SMG6: variants seen among roughly 807,000 people sequenced by gnomAD.
SMG6 encodes the protein telomerase-binding protein EST1A.
SMG6 carries 66 observed loss-of-function variants against 142.2 expected under a neutral mutation model. That is an observed-to-expected ratio of 0.46 (90% CI 0.38 to 0.57). The LOEUF is 0.57. SMG6 is among the 20% of genes least tolerant of loss of function. SMG6 has a pLI of 0.00. For missense variants in SMG6, 1,793 were observed against 1,832.0 expected (o/e 0.98, Z 0.39); for synonymous variants, 779 against 702.4 (o/e 1.11, Z -1.72).
chr17:2,073,794 A>G (rs2068180799), intron 15 of SMG6, among the ~76,000 whole-genome samples: 1 of 150,750 alleles, frequency 6.6e-6, no homozygotes, highest in South Asian at 2.1e-4. Context: ...AAATATAAAA[A>G]TTAGCCAGGC....
chr17:2,227,795 A>G (rs2073360593), intron 10 of SMG6, among the ~76,000 whole-genome samples: 1 of 152,266 alleles, frequency 6.6e-6, no homozygotes, highest in Non-Finnish European at 1.5e-5. Context: ...CAAGGTACCA[A>G]TAACTGCAGT....
At chr17:2,099,520 C>A (rs2068948769) in intron 13 of SMG6, among the ~76,000 whole-genome samples, 1 of 151,758 alleles carries the variant, frequency 6.6e-6, no homozygotes, top group Admixed American at 6.6e-5. Flanking sequence ...ATCTGAAGAA[C>A]CCCCACAGCA....
chr17:2,285,387 G>A (rs780294063), intron 6 of SMG6, among the ~76,000 whole-genome samples: 23 of 152,158 alleles, frequency 1.5e-4, no homozygotes, highest in Admixed American at 2.0e-4. Flanking sequence ...AAGAAAGTGC[G>A]AATCTAGGTC....
intron 8 of SMG6, among the ~76,000 whole-genome samples, chr17:2,254,851 G>C (rs796259284): frequency 6.6e-6 from 1 of 152,170 alleles, no homozygotes; most frequent in South Asian, 2.1e-4. Context: ...GGGAAGGCTA[G>C]GATGCTGTGG....
intron 13 of SMG6, among the ~76,000 whole-genome samples, chr17:2,127,156 A>AGAC: frequency 6.6e-6 from 1 of 151,804 alleles, no homozygotes; most frequent in African/African-American, 2.4e-5. Context: ...AAAAAAAAAA[A>AGAC]AAAAAGACAA....
At chr17:2,103,515 T>C (rs1470814313) in intron 13 of SMG6, among the ~76,000 whole-genome samples, 1 of 152,184 alleles carries the variant, frequency 6.6e-6, no homozygotes, top group Non-Finnish European at 1.5e-5. Context: ...GCGGAAAATT[T>C]CTGTTGCTGT....
intron 1 of SMG6, among the ~76,000 whole-genome samples, chr17:2,302,444 G>A (rs370126289): frequency 2.0e-5 from 3 of 152,160 alleles, no homozygotes; most frequent in Non-Finnish European, 2.9e-5. Flanking sequence ...GGGAGGCTGA[G>A]GTAGGAGAAT....
intron 3 of SMG6, 148 bp downstream of exon 3, chr17:2,297,715 C>A (rs2075173964): frequency 1.3e-6 from 1 of 774,718 alleles, no homozygotes; most frequent in Middle Eastern, 2.7e-4. Flanking sequence ...AAGGAAGCAA[C>A]TGGTGTAGGG....
chr17:2,301,010 T>C (rs939373527), intron 1 of SMG6, among the ~76,000 whole-genome samples: 5 of 152,146 alleles, frequency 3.3e-5, no homozygotes, highest in Non-Finnish European at 7.4e-5. Flanking sequence ...ACAAAAGACC[T>C]CTCTAACCTT....
At chr17:2,065,192 A>C in intron 17 of SMG6, 38 bp from the exon 18 acceptor site, 2 of 1,537,372 alleles carry the variant, frequency 1.3e-6, no homozygotes, top group Non-Finnish European at 1.8e-6. Context: ...CACTGGGCAG[A>C]AGGGGGCGCC....
chr17:2,193,264 G>T (rs1597567978), intron 10 of SMG6, among the ~76,000 whole-genome samples: 1 of 152,204 alleles, frequency 6.6e-6, no homozygotes, highest in East Asian at 1.9e-4. Context: ...CTTTCGCCAT[G>T]TAAAGTGCCT....
At chr17:2,092,206 G>A (rs911946591) in intron 13 of SMG6, among the ~76,000 whole-genome samples, 4 of 152,180 alleles carry the variant, frequency 2.6e-5, no homozygotes, top group African/African-American at 4.8e-5. Flanking sequence ...GGCTGGTCTC[G>A]AACGCCTGAC....
intron 8 of SMG6, among the ~76,000 whole-genome samples, chr17:2,269,986 G>T (rs1049846898): frequency 2.0e-5 from 3 of 151,996 alleles, no homozygotes; most frequent in Admixed American, 6.6e-5. Flanking sequence ...CTATGATGGC[G>T]CCCCTATGCT....
At chr17:2,107,999 C>A (rs2069200011) in intron 13 of SMG6, among the ~76,000 whole-genome samples, 1 of 152,172 alleles carries the variant, frequency 6.6e-6, no homozygotes, top group African/African-American at 2.4e-5. Flanking sequence ...CCTGCCTCGC[C>A]TTCTGAAAAG....
rs557610095 is a variant in SMG6, at chr17:2,085,238, C to G, written c.3534+487G>C. 7.1e-6 allele frequency among the ~76,000 whole-genome samples: 1 copy of G among 139,894 alleles called. No homozygotes were observed. Among genetic ancestry groups the G allele is most frequent in the East Asian group, 2.4e-4 (1 of 4,152 alleles). 91.8% of individuals were successfully genotyped at this position (139,894 alleles called of 152,430 possible). A position where few individuals can be genotyped will look rare whatever the true frequency, so the allele number is the denominator to read the frequency against. On this transcript the variant is annotated intron_variant, in intron 14 of 18. Transcript: ENST00000263073. This position sits in a 1 kb window ranked among gnomAD's most constrained non-coding sequence, Gnocchi z 4.1. ...GGGCAAACAAACAAGAGGAGAATTC[C>G]TTAATCACATCAGGATGTGCAGGAG...
intron 12 of SMG6, among the ~76,000 whole-genome samples, chr17:2,185,094 T>C (rs1485553812): frequency 1.4e-5 from 2 of 147,844 alleles, no homozygotes; most frequent in African/African-American, 5.0e-5. Flanking sequence ...CTCAAGGATA[T>C]ACAGACACAA....
At chr17:2,083,561 T>C (rs557876052) in intron 14 of SMG6, among the ~76,000 whole-genome samples, 1 of 152,364 alleles carries the variant, frequency 6.6e-6, no homozygotes, top group South Asian at 2.1e-4. Flanking sequence ...ACAGTCACCA[T>C]TCATCTGACA....
At chr17:2,259,377 G>T (rs559534255) in intron 8 of SMG6, among the ~76,000 whole-genome samples, 7 of 152,262 alleles carry the variant, frequency 4.6e-5, no homozygotes, top group African/African-American at 1.7e-4. Context: ...TTTATTCATG[G>T]TGATAAAGCA....
At chr17:2,117,097 AT>A (rs11371517) in intron 13 of SMG6, among the ~76,000 whole-genome samples, 211 of 145,344 alleles carry the variant, frequency 1.5e-3, no homozygotes, top group Admixed American at 1.4e-3. Context: ...TGGCTTTTAA[AT>A]TTTTTTTTTT....
Sources: gnomAD v4.1 joint callset for allele counts (sites outside exome capture counted in the v4.1 genomes callset) on GRCh38, gnomAD v4.1.1 for gene constraint, Gnocchi (gnomAD v3.1) non-coding constraint, MANE v1.5 for transcripts, NCBI Gene and HGNC (gene_info 2026-07-23, HGNC 2026-07-21) for gene names.